RPS6KC1: variants seen among roughly 807,000 people sequenced by gnomAD.
RPS6KC1 encodes the protein inactive ribosomal protein S6 kinase delta-1.
RPS6KC1 carries 54 observed loss-of-function variants against 103.8 expected under a neutral mutation model. That is an observed-to-expected ratio of 0.52 (90% confidence interval 0.42 to 0.65). The LOEUF (loss-of-function observed/expected upper bound fraction) is 0.65, where lower values mean the gene tolerates loss of function less well. RPS6KC1 is among the 30% of genes least tolerant of loss of function. The pLI, the probability that RPS6KC1 is intolerant of heterozygous loss-of-function variation, is 0.00. For missense variants in RPS6KC1, 1,151 were observed against 1,253.8 expected, an observed-to-expected ratio of 0.92 and a Z score of 1.24; for synonymous variants, 439 against 438.7, an observed-to-expected ratio of 1.00 and a Z score of -0.01.
At chr1:213,113,833 T>A (rs1363147947) in intron 4 of RPS6KC1, among the ~76,000 whole-genome samples, 2 of 152,320 alleles carry the variant, frequency 1.3e-5, no homozygotes, top group South Asian at 4.1e-4. Context: ...TCCCCGTTGC[T>A]TGTTTTTCTC....
At chr1:213,321,229 G>A in the RPS6KC1 span, among the ~76,000 whole-genome samples, 26 of 152,222 alleles carry the variant, frequency 1.7e-4, no homozygotes, top group African/African-American at 6.3e-4. Flanking sequence ...CCTTGTGATG[G>A]TATAAGTTTT....
chr1:213,431,506 G>T, the RPS6KC1 span, among the ~76,000 whole-genome samples: 1 of 152,054 alleles, frequency 6.6e-6, no homozygotes, highest in South Asian at 2.1e-4. Flanking sequence ...GGTTTCTATT[G>T]CCATTAATTC....
the RPS6KC1 span, among the ~76,000 whole-genome samples, chr1:213,729,626 G>A: frequency 6.6e-6 from 1 of 152,142 alleles, no homozygotes; most frequent in Non-Finnish European, 1.5e-5. Flanking sequence ...AACCAAGAGG[G>A]CTGTGAACAG....
At chr1:213,714,045 G>T in the RPS6KC1 span, among the ~76,000 whole-genome samples, 1 of 152,228 alleles carries the variant, frequency 6.6e-6, no homozygotes, top group East Asian at 1.9e-4. Context: ...TGATAACAGT[G>T]TATAGTGGTT....
chr1:213,391,546 C>T, the RPS6KC1 span, among the ~76,000 whole-genome samples: 1 of 152,170 alleles, frequency 6.6e-6, no homozygotes, highest in Non-Finnish European at 1.5e-5. Flanking sequence ...ACAGTTCAGA[C>T]CTGTCTGGTA....
At chr1:213,458,394 C>A in the RPS6KC1 span, among the ~76,000 whole-genome samples, 1 of 151,756 alleles carries the variant, frequency 6.6e-6, no homozygotes, top group Non-Finnish European at 1.5e-5. Context: ...TTTAATCCAG[C>A]CCACCGTTGA....
chr1:213,742,268 AAG>A, the RPS6KC1 span, among the ~76,000 whole-genome samples: 2 of 152,266 alleles, frequency 1.3e-5, no homozygotes, highest in African/African-American at 4.8e-5. Context: ...TATTTTGAGA[AAG>A]ATCCACAGAT....
chr1:213,083,937 T>G (rs1285263205), intron 3 of RPS6KC1, among the ~76,000 whole-genome samples: 1 of 152,194 alleles, frequency 6.6e-6, no homozygotes, highest in Non-Finnish European at 1.5e-5. Flanking sequence ...GTTACATGTT[T>G]TGGGGAAACT....
the RPS6KC1 span, among the ~76,000 whole-genome samples, chr1:213,410,288 G>A: frequency 1.3e-5 from 2 of 152,144 alleles, no homozygotes; most frequent in South Asian, 2.1e-4. Context: ...GGAAATGAGA[G>A]GGGGTGAGAT....
chr1:213,264,062 G>C (rs1243827308), intron 14 of RPS6KC1, among the ~76,000 whole-genome samples: 1 of 152,164 alleles, frequency 6.6e-6, no homozygotes, highest in African/African-American at 2.4e-5. Context: ...AGGTATGGGT[G>C]ATAGGTGAGC....
At chr1:213,429,707 C>T in the RPS6KC1 span, among the ~76,000 whole-genome samples, 5,540 of 152,246 alleles carry the variant, frequency 0.036, 147 homozygotes, top group Middle Eastern at 0.061. Context: ...TCTTCATCTC[C>T]ACCCACTATC....
At chr1:213,793,751 C>G in the RPS6KC1 span, among the ~76,000 whole-genome samples, 2 of 152,208 alleles carry the variant, frequency 1.3e-5, no homozygotes, top group Non-Finnish European at 2.9e-5. Context: ...CAATATCCCC[C>G]TTATGCTCAT....
chr1:213,261,953 T>A (rs1048169976), intron 13 of RPS6KC1, among the ~76,000 whole-genome samples: 10 of 152,212 alleles, frequency 6.6e-5, no homozygotes, highest in Admixed American at 5.9e-4. Context: ...AAGGTTTATG[T>A]AAGGATGTAT....
At chr1:213,406,885 G>C in the RPS6KC1 span, among the ~76,000 whole-genome samples, 1 of 152,238 alleles carries the variant, frequency 6.6e-6, no homozygotes, top group South Asian at 2.1e-4. Context: ...CATGATTATC[G>C]TCATTTTACA....
intron 7 of RPS6KC1, among the ~76,000 whole-genome samples, chr1:213,168,653 C>G (rs2091206481): frequency 6.6e-6 from 1 of 151,710 alleles, no homozygotes; most frequent in South Asian, 2.1e-4. Flanking sequence ...AACGGAGTCT[C>G]ACTCTGTCCC....
At chr1:213,782,309 T>G in the RPS6KC1 span, among the ~76,000 whole-genome samples, 1 of 152,080 alleles carries the variant, frequency 6.6e-6, no homozygotes, top group African/African-American at 2.4e-5. Context: ...GAGCTCAAAC[T>G]CATCCCAAGA....
chr1:213,314,076 G>A, the RPS6KC1 span, among the ~76,000 whole-genome samples: 1 of 151,810 alleles, frequency 6.6e-6, no homozygotes, highest in Non-Finnish European at 1.5e-5. Flanking sequence ...GTCCTTCCTC[G>A]CCTCTTCCAG....
chr1:213,760,512 C>T, the RPS6KC1 span, among the ~76,000 whole-genome samples: 3 of 152,192 alleles, frequency 2.0e-5, no homozygotes, highest in African/African-American at 4.8e-5. Flanking sequence ...GATCTCAGCT[C>T]AGGCAAGCTT....
chr1:213,399,861 G>A, the RPS6KC1 span, among the ~76,000 whole-genome samples: 1 of 152,162 alleles, frequency 6.6e-6, no homozygotes, highest in African/African-American at 2.4e-5. Context: ...TGTAGCCTGT[G>A]CCATTTGAAG....
Sources: allele counts gnomAD v4.1 joint callset (sites outside exome capture counted in the v4.1 genomes callset), GRCh38; gene constraint gnomAD v4.1.1; transcripts MANE v1.5; gene names NCBI Gene and HGNC (gene_info 2026-07-23, HGNC 2026-07-21).